PDE6A: variants seen among roughly 807,000 people sequenced by gnomAD.
The protein encoded by PDE6A is rod cGMP-specific 3',5'-cyclic phosphodiesterase subunit alpha.
PDE6A carries 84 observed loss-of-function variants against 106.3 expected under a neutral mutation model. That is an observed-to-expected ratio of 0.79 (90% CI 0.66 to 0.95). The LOEUF is 0.95. PDE6A is among the 40% of genes least tolerant of loss of function. The pLI, the probability that PDE6A is intolerant of heterozygous loss-of-function variation, is 0.00. For synonymous variants in PDE6A, 394 were observed against 386.6 expected (o/e 1.02, Z -0.23); for missense variants, 1,052 against 1,084.9 (o/e 0.97, Z 0.43).
At chr5:149,867,480 AG>A in intron 19 of PDE6A, 1 of 596,654 alleles carries the variant, frequency 1.7e-6, no homozygotes. Flanking sequence ...CATTCATTGC[AG>A]GGGCCCACCC....
intron 20 of PDE6A, among the ~76,000 whole-genome samples, chr5:149,865,570 G>T (rs961623382): frequency 1.3e-5 from 2 of 152,202 alleles, no homozygotes; most frequent in African/African-American, 4.8e-5. Context: ...TAGAAAATTT[G>T]CACTTCTTCC....
chr5:149,944,094 G>C, intron 1 of PDE6A, 106 bp downstream of exon 1: 1 of 800,522 alleles, frequency 1.2e-6, no homozygotes, highest in South Asian at 1.4e-5. Context: ...GAAGCACCAT[G>C]TTGTCACCAG....
chr5:149,882,817 A>C (rs913818995), intron 17 of PDE6A, among the ~76,000 whole-genome samples: 2 of 150,768 alleles, frequency 1.3e-5, no homozygotes, highest in East Asian at 3.8e-4. Context: ...CAGCACTTTG[A>C]GAGACAGAGG....
intron 11 of PDE6A, 63 bp from the exon 12 acceptor site, chr5:149,896,565 G>A (rs1752759829): frequency 1.2e-6 from 2 of 1,613,868 alleles, no homozygotes; most frequent in Non-Finnish European, 8.5e-7. Context: ...CCCACCTCCT[G>A]TCCAGCCCTG....
intron 17 of PDE6A, among the ~76,000 whole-genome samples, chr5:149,870,349 T>C (rs1390010203): frequency 6.6e-6 from 1 of 152,248 alleles, no homozygotes; most frequent in Non-Finnish European, 1.5e-5. Flanking sequence ...TTATGCTTTA[T>C]AATAACCTCA....
chr5:149,937,315 C>T (rs887526731), intron 1 of PDE6A, among the ~76,000 whole-genome samples: 3 of 152,188 alleles, frequency 2.0e-5, no homozygotes, highest in Admixed American at 1.3e-4. Context: ...AAGAGGCAGG[C>T]AGGGGCCAGA....
At chr5:149,887,613 A>G (rs151053728) in intron 13 of PDE6A, among the ~76,000 whole-genome samples, 322 of 152,312 alleles carry the variant, frequency 2.1e-3, no homozygotes, top group African/African-American at 7.3e-3. Context: ...GACCTTGGTC[A>G]AAGTGAAACA....
intron 13 of PDE6A, among the ~76,000 whole-genome samples, chr5:149,891,235 C>T (rs986672986): frequency 4.6e-5 from 7 of 152,050 alleles, no homozygotes; most frequent in Non-Finnish European, 1.0e-4. Context: ...TTTGGGAGGC[C>T]GAGGTGGGCA....
At chr5:149,869,689 G>T (rs1760465313) in intron 17 of PDE6A, among the ~76,000 whole-genome samples, 1 of 152,176 alleles carries the variant, frequency 6.6e-6, no homozygotes, top group Non-Finnish European at 1.5e-5. Context: ...CTGTGCTGCA[G>T]GAAGGCAGCT....
intron 17 of PDE6A, among the ~76,000 whole-genome samples, chr5:149,877,011 GA>G (rs33921602): frequency 0.03 from 4,624 of 151,730 alleles, 212 homozygotes; most frequent in African/African-American, 0.1. Flanking sequence ...AAAAAAGAAA[GA>G]AAAAAAATTG....
chr5:149,931,257 G>T, intron 3 of PDE6A, 89 bp from the exon 4 acceptor site: 1 of 1,256,704 alleles, frequency 8.0e-7, no homozygotes, highest in Non-Finnish European at 1.2e-6. Flanking sequence ...CTGTAAAGTT[G>T]TCTGGAGTTT....
rs150201732 is a variant in PDE6A at position 149,937,386 on chromosome 5, A to G, written c.475-2668T>C. 2.0e-3 allele frequency among the ~76,000 whole-genome samples: 309 copies of G among 152,118 alleles called. 3 individuals are homozygous for G. Among genetic ancestry groups the G allele is most frequent in the African/African-American group, 7.2e-3 (300 of 41,514 alleles). The stretch of plus-strand genomic sequence containing the variant: ...TGATTTCATTTTTATGTATTCACTT[A>G]TTTATTTTTGAGACAGAGTCTTGCT... On this transcript the variant is annotated intron_variant, in intron 1 of 21. Transcript: ENST00000255266.
chr5:149,933,109 C>T (rs969751533), intron 3 of PDE6A, among the ~76,000 whole-genome samples: 8 of 152,204 alleles, frequency 5.3e-5, no homozygotes, highest in Admixed American at 4.6e-4. Flanking sequence ...TCTCCCATCT[C>T]AGCCTCCCCA....
Position 149,884,478 on chromosome 5 carries a change from C to A in PDE6A, c.2027+1G>T, listed in dbSNP as rs761599254. 1 of 1,602,034 alleles carries A rather than the reference C, an allele frequency of 6.2e-7. No individual in the cohort carries two copies. Among genetic ancestry groups the A allele is most frequent in the Non-Finnish European group, 8.6e-7 (1 of 1,169,308 alleles). ...CTATTAGAATGAGAAGATATACCAA[C>A]TTGAAATACAGGGCGAGGTCTGTGG... On this transcript the variant is annotated splice_donor_variant, in intron 16 of 21. Transcript: ENST00000255266. LOFTEE classifies it high-confidence loss of function.
chr5:149,917,539 C>A (rs1165457963), intron 5 of PDE6A, among the ~76,000 whole-genome samples: 1 of 152,172 alleles, frequency 6.6e-6, no homozygotes, highest in Non-Finnish European at 1.5e-5. Context: ...TTGGCGGCAG[C>A]TGCACTGACT....
At chr5:149,901,029 T>G (rs1166845436) in intron 8 of PDE6A, among the ~76,000 whole-genome samples, 6 of 152,040 alleles carry the variant, frequency 3.9e-5, no homozygotes, top group African/African-American at 1.4e-4. Context: ...GATTCTCCTG[T>G]CTCAGCCTCC....
At position 149,863,317 on chromosome 5, in the gene PDE6A, G is replaced by A; in HGVS notation, c.2359-51C>T. On this transcript the variant is annotated intron_variant, in intron 20 of 21. Transcript: ENST00000255266. This position sits in a 1 kb window ranked among gnomAD's most constrained non-coding sequence, Gnocchi z 4.7. ...GTGCAAGGGCCAGGCCACAGGGTCT[G>A]GGCTCAAGCGGGTGGCACAGCTGGA... 2.5e-6 allele frequency: 4 copies of A among 1,594,146 alleles called. No homozygotes were observed. Among genetic ancestry groups the A allele is most frequent in the Non-Finnish European group, 3.4e-6 (4 of 1,162,614 alleles).
chr5:149,876,008 A>T (rs969054566), intron 17 of PDE6A, among the ~76,000 whole-genome samples: 2 of 152,168 alleles, frequency 1.3e-5, no homozygotes, highest in African/African-American at 2.4e-5. Flanking sequence ...GTGTGTGTAC[A>T]CTACATATAT....
intron 17 of PDE6A, among the ~76,000 whole-genome samples, chr5:149,872,966 C>T (rs1051809902): frequency 4.6e-5 from 7 of 152,112 alleles, no homozygotes; most frequent in Non-Finnish European, 7.3e-5. Context: ...TGAGAGCAGC[C>T]GTAGATAAGC....
Sources: allele counts gnomAD v4.1 joint callset (sites outside exome capture counted in the v4.1 genomes callset), GRCh38; gene constraint gnomAD v4.1.1; non-coding constraint Gnocchi (gnomAD v3.1); transcripts MANE v1.5; gene names NCBI Gene and HGNC (gene_info 2026-07-23, HGNC 2026-07-21).